Variants in MRPS27 observed in about 807,000 individuals in gnomAD.
MRPS27 encodes mitochondrial ribosomal protein S27.
Under a neutral mutation model 48.9 loss-of-function variants are expected in MRPS27, and 43 were observed. The ratio of observed to expected loss-of-function variants is 0.88; its 90% CI spans 0.69 to 1.13. The LOEUF is 1.13. Among genes scored for constraint, MRPS27 ranks in the 50% most tolerant of loss-of-function variants. The pLI, the probability that MRPS27 is intolerant of heterozygous loss-of-function variation, is 0.00. For missense variants in MRPS27, 467 were observed against 476.3 expected (o/e 0.98, Z 0.18); for synonymous variants, 188 against 171.9 (o/e 1.09, Z -0.73).
chr5:72,221,149 C>T lies in MRPS27; in HGVS notation c.1006-1G>A. 1 of 1,613,010 alleles carries T rather than the reference C, an allele frequency of 6.2e-7. No individual in the cohort carries two copies. The highest frequency in any genetic ancestry group is 8.5e-7 in the Non-Finnish European group (1 of 1,179,634). On this transcript the variant is annotated splice_acceptor_variant, in intron 10 of 10. Coordinates refer to ENST00000261413, the MANE Select transcript of MRPS27 (RefSeq NM_015084.3). LOFTEE classifies it high-confidence loss of function. ...GAGCTTGAAGCTTAGAATGTAAGGC[C>T]TGTTGGAAACAAATGGGAAAAATGA... is the stretch of plus-strand genomic sequence containing the variant.
intron 4 of MRPS27, among the ~76,000 whole-genome samples, chr5:72,277,581 CCA>C (rs561060435): frequency 6.6e-5 from 10 of 151,710 alleles, no homozygotes; most frequent in African/African-American, 1.7e-4. Context: ...TCCAGCCTGG[CCA>C]CAGAGTGAGA....
At position 72,257,643 on chromosome 5, in the gene MRPS27, T is replaced by C. The variant is rs191231562; in HGVS notation, c.282-19515A>G. On this transcript the variant is annotated intron_variant, in intron 4 of 10. Transcript: ENST00000261413. ...TATGACACTCCAAATGTACTAGTAT[T>C]TTACTGTTGTTATTATTTATTTAGG... is the stretch of plus-strand genomic sequence containing the variant. Among the ~76,000 whole-genome samples the C allele has an allele frequency of 2.5e-4, 38 of 152,304 alleles. 1 individual carries two copies. Among genetic ancestry groups the C allele is most frequent in the African/African-American group, 8.7e-4 (36 of 41,566 alleles).
intron 7 of MRPS27, among the ~76,000 whole-genome samples, chr5:72,230,342 C>T (rs1418593630): frequency 6.6e-6 from 1 of 152,192 alleles, no homozygotes. Context: ...GCTTTATTCT[C>T]CACTTCATAG....
intron 4 of MRPS27, among the ~76,000 whole-genome samples, chr5:72,242,536 TA>T (rs571453434): frequency 5.4e-4 from 78 of 143,814 alleles, no homozygotes; most frequent in African/African-American, 6.1e-4. Context: ...GTCATTTAAT[TA>T]AAAAAAAAAA....
intron 10 of MRPS27, among the ~76,000 whole-genome samples, chr5:72,223,254 C>T (rs150913390): frequency 1.3e-5 from 2 of 152,312 alleles, no homozygotes; most frequent in African/African-American, 4.8e-5. Flanking sequence ...AAGATGCCCA[C>T]GTCTTATCTC....
chr5:72,314,004 TAC>T lies in MRPS27; in HGVS notation c.151+75_151+76del, dbSNP rs1750506704. The T allele has an allele frequency of 3.9e-6, 4 of 1,027,118 alleles. 1 individual carries two copies. Among genetic ancestry groups the T allele is most frequent in the South Asian group, 3.0e-5 (2 of 67,130 alleles). 63.6% of individuals were successfully genotyped at this position (1,027,118 alleles called of 1,614,324 possible). A position where few individuals can be genotyped will look rare whatever the true frequency, so the allele number is the denominator to read the frequency against. ...CATCATAAAAGCATAATTTCATATATACGTTATATGAATAAATGATGGAAGAC... is the reference window on the plus strand; with the variant it reads ...CATCATAAAAGCATAATTTCATATATGTTATATGAATAAATGATGGAAGAC... On this transcript the variant is annotated intron_variant, in intron 2 of 10. Coordinates refer to ENST00000261413, the MANE Select transcript of MRPS27 (RefSeq NM_015084.3).
intron 4 of MRPS27, among the ~76,000 whole-genome samples, chr5:72,257,395 T>A (rs1350038452): frequency 6.6e-6 from 1 of 152,202 alleles, no homozygotes; most frequent in Admixed American, 6.5e-5. Context: ...GATTCCTTCC[T>A]CCCTAGCTGG....
At chr5:72,308,376 G>C (rs1248896327) in intron 2 of MRPS27, among the ~76,000 whole-genome samples, 1 of 152,218 alleles carries the variant, frequency 6.6e-6, no homozygotes, top group Non-Finnish European at 1.5e-5. Context: ...ATCTCCAATG[G>C]GGATGGGAGC....
intron 2 of MRPS27, among the ~76,000 whole-genome samples, chr5:72,313,331 G>A (rs563929467): frequency 2.0e-5 from 3 of 152,168 alleles, no homozygotes; most frequent in East Asian, 3.9e-4. Flanking sequence ...AGAAATCTGG[G>A]GGAATATATT....
chr5:72,228,665 C>T (rs376166196), intron 7 of MRPS27: 6 of 245,958 alleles, frequency 2.4e-5, no homozygotes, highest in South Asian at 1.5e-4. Flanking sequence ...AATGAATAAG[C>T]GTTTCTTTTA....
intron 4 of MRPS27, among the ~76,000 whole-genome samples, chr5:72,292,130 CTTTGT>C (rs554475954): frequency 7.5e-5 from 11 of 146,502 alleles, no homozygotes; most frequent in African/African-American, 2.5e-4. Flanking sequence ...GTTTATTTTA[CTTTGT>C]TTTAACTTTG....
At chr5:72,311,957 C>T (rs887186433) in intron 2 of MRPS27, among the ~76,000 whole-genome samples, 1 of 152,182 alleles carries the variant, frequency 6.6e-6, no homozygotes, top group Non-Finnish European at 1.5e-5. Context: ...ATAGGCAAAA[C>T]CCTGTCTCTA....
At chr5:72,243,119 G>A (rs1319228682) in intron 4 of MRPS27, among the ~76,000 whole-genome samples, 2 of 152,240 alleles carry the variant, frequency 1.3e-5, no homozygotes, top group Non-Finnish European at 2.9e-5. Context: ...ACAGAGATGG[G>A]AGAGGGGGTC....
intron 4 of MRPS27, among the ~76,000 whole-genome samples, chr5:72,265,099 T>C (rs1227435644): frequency 6.6e-6 from 1 of 152,250 alleles, no homozygotes. Context: ...ATTTGTGTAA[T>C]AGGCAATTAC....
At chr5:72,249,056 T>C (rs559809806) in intron 4 of MRPS27, among the ~76,000 whole-genome samples, 2 of 152,236 alleles carry the variant, frequency 1.3e-5, no homozygotes, top group Admixed American at 6.5e-5. Context: ...ACTGTCCACA[T>C]ATACATGGCT....
In MRPS27 at chr5:72,290,697, A is replaced by G. The variant is rs149234065; in HGVS notation, c.281+4834T>C. Among the ~76,000 whole-genome samples the G allele has an allele frequency of 3.7e-3, 568 of 152,362 alleles. 1 individual carries two copies. The highest frequency in any genetic ancestry group is 0.013 in the African/African-American group (552 of 41,582). On this transcript the variant is annotated intron_variant, in intron 4 of 10. Coordinates refer to ENST00000261413, the MANE Select transcript of MRPS27 (RefSeq NM_015084.3). ...ACCCTTTTCTCTTCCAAATATTAACAAGAGGGCGTGTGGATAGGAAGTAGA... is the reference window on the plus strand; with the variant it reads ...ACCCTTTTCTCTTCCAAATATTAACGAGAGGGCGTGTGGATAGGAAGTAGA...
chr5:72,231,376 A>T (rs1444664789), intron 7 of MRPS27, among the ~76,000 whole-genome samples: 1 of 152,154 alleles, frequency 6.6e-6, no homozygotes, highest in Non-Finnish European at 1.5e-5. Flanking sequence ...GCCCTTCCTA[A>T]CCAATTTAAG....
chr5:72,285,272 C>T (rs865916352), intron 4 of MRPS27, among the ~76,000 whole-genome samples: 21 of 152,176 alleles, frequency 1.4e-4, no homozygotes, highest in African/African-American at 4.1e-4. Flanking sequence ...ATCTTGAACA[C>T]TTGCTCCTGT....
At chr5:72,293,340 T>C (rs766858924) in intron 4 of MRPS27, among the ~76,000 whole-genome samples, 11 of 149,726 alleles carry the variant, frequency 7.3e-5, no homozygotes, top group East Asian at 1.9e-4. Context: ...TTCTTGGTAA[T>C]GGAAGGGAGG....
Sources: gnomAD v4.1 joint callset for allele counts (sites outside exome capture counted in the v4.1 genomes callset) on GRCh38, gnomAD v4.1.1 for gene constraint, MANE v1.5 for transcripts, NCBI Gene and HGNC (gene_info 2026-07-23, HGNC 2026-07-21) for gene names.